RANBP2: variants seen among roughly 807,000 people sequenced by gnomAD.
RANBP2 encodes RAN binding protein 2.
A neutral mutation model predicts 303.6 loss-of-function variants in RANBP2; 57 were observed. The ratio of observed to expected loss-of-function variants is 0.19; its 90% CI spans 0.15 to 0.23. The LOEUF (loss-of-function observed/expected upper bound fraction) is 0.23. Ranked by LOEUF, RANBP2 falls within the 10% of genes least tolerant of loss-of-function variation. The pLI is 1.00. For synonymous variants in RANBP2, 1,167 were observed against 1,301.5 expected, an observed-to-expected ratio of 0.90 and a Z score of 2.23; for missense variants, 3,138 against 3,780.8, an observed-to-expected ratio of 0.83 and a Z score of 4.46.
chr2:109,590,553 T>C, the RANBP2 span, among the ~76,000 whole-genome samples: 5 of 152,088 alleles, frequency 3.3e-5, no homozygotes, highest in Non-Finnish European at 7.4e-5. Context: ...TGCCTCAGCC[T>C]CTCGAGCAGC....
At chr2:109,040,258 T>G in the RANBP2 span, among the ~76,000 whole-genome samples, 1 of 152,212 alleles carries the variant, frequency 6.6e-6, no homozygotes, top group East Asian at 1.9e-4. Flanking sequence ...ATCAAGTGTC[T>G]GTATATTCAT....
the RANBP2 span, among the ~76,000 whole-genome samples, chr2:109,497,977 T>C: frequency 2.1e-4 from 32 of 152,234 alleles, no homozygotes; most frequent in East Asian, 6.2e-3. Flanking sequence ...AGGCCACAGG[T>C]AGGATGGCGC....
At chr2:109,328,670 G>A in the RANBP2 span, among the ~76,000 whole-genome samples, 4 of 152,156 alleles carry the variant, frequency 2.6e-5, no homozygotes, top group East Asian at 1.9e-4. Flanking sequence ...CAGAAACAGC[G>A]TGGGATGATG....
the RANBP2 span, among the ~76,000 whole-genome samples, chr2:108,799,094 A>G: frequency 6.6e-6 from 1 of 152,134 alleles, no homozygotes; most frequent in Non-Finnish European, 1.5e-5. Flanking sequence ...GACAAGATTC[A>G]TGCGTTATAT....
chr2:109,270,557 G>A, the RANBP2 span, among the ~76,000 whole-genome samples: 3 of 152,150 alleles, frequency 2.0e-5, no homozygotes, highest in Non-Finnish European at 2.9e-5. Context: ...GTGACAGCCC[G>A]GGGCAGTGTG....
chr2:109,291,349 C>T, the RANBP2 span, among the ~76,000 whole-genome samples: 5 of 150,856 alleles, frequency 3.3e-5, no homozygotes, highest in African/African-American at 1.2e-4. Flanking sequence ...CATGCAGCTG[C>T]CTCTATTGCT....
the RANBP2 span, among the ~76,000 whole-genome samples, chr2:109,118,370 G>T: frequency 1.3e-5 from 2 of 151,906 alleles, no homozygotes; most frequent in Admixed American, 1.3e-4. Context: ...ATGATTTTCT[G>T]GCAAAGAGCA....
At chr2:108,734,030 CAT>C (rs1212740199) in intron 4 of RANBP2, among the ~76,000 whole-genome samples, 1 of 151,964 alleles carries the variant, frequency 6.6e-6, no homozygotes, top group Non-Finnish European at 1.5e-5. Flanking sequence ...AAAAAGCACT[CAT>C]AGTGGTTTTT....
the RANBP2 span, among the ~76,000 whole-genome samples, chr2:109,264,989 G>T: frequency 3.3e-5 from 5 of 152,188 alleles, no homozygotes; most frequent in East Asian, 1.9e-4. Flanking sequence ...AGAGATAGCC[G>T]CATGCTCTGT....
At chr2:109,649,829 A>G in the RANBP2 span, among the ~76,000 whole-genome samples, 1 of 152,242 alleles carries the variant, frequency 6.6e-6, no homozygotes, top group Non-Finnish European at 1.5e-5. Context: ...TCTAGAACAC[A>G]AATTTTCTTT....
the RANBP2 span, among the ~76,000 whole-genome samples, chr2:109,454,397 G>A: frequency 1.3e-5 from 2 of 152,192 alleles, no homozygotes; most frequent in Non-Finnish European, 2.9e-5. Context: ...GGATTGGGTG[G>A]TTATAGTTTT....
the RANBP2 span, chr2:109,129,011 G>A: frequency 4.7e-6 from 2 of 422,008 alleles, no homozygotes; most frequent in Admixed American, 2.6e-5. Flanking sequence ...GAAGAGGAAC[G>A]GTCCTGCTGA....
At chr2:108,734,008 A>G (rs1474609887) in intron 4 of RANBP2, among the ~76,000 whole-genome samples, 6 of 151,150 alleles carry the variant, frequency 4.0e-5, no homozygotes, top group Admixed American at 4.0e-4. Flanking sequence ...CAAGTATGAG[A>G]TAGAACTTTT....
At chr2:109,424,441 C>A in the RANBP2 span, among the ~76,000 whole-genome samples, 1 of 151,978 alleles carries the variant, frequency 6.6e-6, no homozygotes, top group Non-Finnish European at 1.5e-5. Flanking sequence ...AACCTCATTT[C>A]ATCGCACTTC....
chr2:108,873,281 A>T, the RANBP2 span: 1 of 221,850 alleles, frequency 4.5e-6, no homozygotes, highest in Non-Finnish European at 6.7e-6. Flanking sequence ...GAGCCAGTGG[A>T]TGTTTTAATT....
At chr2:108,850,050 A>G in the RANBP2 span, among the ~76,000 whole-genome samples, 1 of 152,382 alleles carries the variant, frequency 6.6e-6, no homozygotes, top group South Asian at 2.1e-4. Flanking sequence ...GCCAGCACCT[A>G]GGAAGAAATG....
At chr2:108,871,560 AT>A in the RANBP2 span, among the ~76,000 whole-genome samples, 28 of 152,212 alleles carry the variant, frequency 1.8e-4, no homozygotes, top group African/African-American at 6.5e-4. Flanking sequence ...TCCAAAAAAA[AT>A]AAAAGTTCCT....
the RANBP2 span, among the ~76,000 whole-genome samples, chr2:109,359,171 C>G: frequency 6.6e-6 from 1 of 152,148 alleles, no homozygotes; most frequent in Non-Finnish European, 1.5e-5. Context: ...AGACTGTCTT[C>G]ATTATTGTAA....
chr2:108,903,376 T>C, the RANBP2 span, among the ~76,000 whole-genome samples: 2 of 152,030 alleles, frequency 1.3e-5, no homozygotes, highest in African/African-American at 2.4e-5. Context: ...TTTGTACATA[T>C]AGGGAAGATT....
Sources: gnomAD v4.1 joint callset for allele counts (sites outside exome capture counted in the v4.1 genomes callset) on GRCh38, gnomAD v4.1.1 for gene constraint, MANE v1.5 for transcripts, NCBI Gene and HGNC (gene_info 2026-07-23, HGNC 2026-07-21) for gene names.